Variants in CCDC18 observed in about 807,000 individuals in gnomAD.
CCDC18 encodes coiled-coil domain-containing protein 18.
Under a neutral mutation model 196.0 loss-of-function variants are expected in CCDC18, and 157 were observed. The observed-to-expected ratio is 0.80, with a 90% CI of 0.70 to 0.91. CCDC18 has a LOEUF of 0.91. Among genes scored for constraint, CCDC18 ranks in the 40% least tolerant of loss-of-function variants. CCDC18 has a pLI of 0.00. For missense variants in CCDC18, 1,465 were observed against 1,611.6 expected (o/e 0.91, Z 1.56); for synonymous variants, 482 against 529.2 (o/e 0.91, Z 1.22).
Position 93,183,557 on chromosome 1 carries a change from T to G in CCDC18, c.134+62T>G, listed in dbSNP as rs1419265495. On this transcript the variant is annotated intron_variant, in intron 2 of 28. Coordinates refer to ENST00000690025, the MANE Select transcript of CCDC18 (RefSeq NM_001378204.1). ...CTTAAATACATCAATGTAAAATGTG[T>G]GGATTTCATTATGATGTATTGTTTC... 16 of 1,178,914 alleles carry G rather than the reference T, an allele frequency of 1.4e-5. No homozygotes were observed. The South Asian group carries it at 1.6e-4, about 12-fold the overall frequency. 73.0% of individuals were successfully genotyped at this position (1,178,914 alleles called of 1,614,324 possible).
At chr1:93,225,389 T>G (rs965871810) in intron 16 of CCDC18, among the ~76,000 whole-genome samples, 1 of 152,234 alleles carries the variant, frequency 6.6e-6, no homozygotes, top group Non-Finnish European at 1.5e-5. Flanking sequence ...GCTGCCTTTC[T>G]GAAAATATTT....
At chr1:93,241,037 A>C (rs937863673) in intron 21 of CCDC18, among the ~76,000 whole-genome samples, 1 of 152,032 alleles carries the variant, frequency 6.6e-6, no homozygotes, top group Admixed American at 6.6e-5. Context: ...AGCTCACTGC[A>C]GCCTCCACCT....
Position 93,227,971 on chromosome 1 carries a change from A to AAATATATAT in CCDC18, c.2292+1523_2292+1524insATATATATA, listed in dbSNP as rs57726461. Among the ~76,000 whole-genome samples, 20 of 125,326 alleles carry AAATATATAT rather than the reference A, an allele frequency of 1.6e-4. No individual in the cohort carries two copies. The East Asian group carries it at 2.0e-3, about 13-fold the overall frequency. The allele number at this position is 125,326 out of a possible 152,430, so 82.2% of individuals were successfully genotyped here. A position where few individuals can be genotyped will look rare whatever the true frequency, so the allele number is the denominator to read the frequency against. On this transcript the variant is annotated intron_variant, in intron 17 of 28. Coordinates refer to ENST00000690025, the MANE Select transcript of CCDC18 (RefSeq NM_001378204.1). Reference sequence around the variant, plus strand: ...AGACCCTATCTCAAAAAAAAAAAAAAATATATATATATATATATTTATTTA... The same window carrying AAATATATAT: ...AGACCCTATCTCAAAAAAAAAAAAAAAATATATATATATATATATATATATATTTATTTA...
chr1:93,223,357 T>G (rs1657761645), intron 16 of CCDC18, among the ~76,000 whole-genome samples: 1 of 152,232 alleles, frequency 6.6e-6, no homozygotes, highest in African/African-American at 2.4e-5. Context: ...CAAATTCCTA[T>G]GATTTAAGCT....
chr1:93,208,921 C>T (rs1218662498), intron 9 of CCDC18, among the ~76,000 whole-genome samples: 2 of 151,976 alleles, frequency 1.3e-5, no homozygotes, highest in African/African-American at 4.8e-5. Flanking sequence ...GCCTTGGCCT[C>T]CCAAACTGCT....
rs1657461537 is a variant in CCDC18 at position 93,221,739 on chromosome 1, A to G, written c.2093A>G (p.Lys698Arg). The change falls in exon 15 of 29, where the codon AAA (lysine) becomes AGA (arginine). Residue 698 changes from lysine to arginine, a missense_variant. By Grantham distance (26) the Lys-to-Arg change is conservative (BLOSUM62 2). Transcript: ENST00000690025. Reference sequence around the variant, plus strand: ...CTAGATAGACTCTTGACGGAAAGCAAAGGGGTAAAATCATCCTTATAAAAG... The same window carrying G: ...CTAGATAGACTCTTGACGGAAAGCAGAGGGGTAAAATCATCCTTATAAAAG... ...ESLDRLLTESKGEMKKENMKK... is the reference protein window; with the variant it reads ...ESLDRLLTESRGEMKKENMKK... 6.3e-7 allele frequency: 1 copy of G among 1,597,262 alleles called. No homozygotes were observed. Among genetic ancestry groups the G allele is most frequent in the Admixed American group, 1.8e-5 (1 of 54,790 alleles).
chr1:93,203,932 T>G (rs1318380259), intron 7 of CCDC18, among the ~76,000 whole-genome samples: 3 of 152,092 alleles, frequency 2.0e-5, no homozygotes, highest in Non-Finnish European at 4.4e-5. Context: ...GAGCAACTTA[T>G]TAAAGTAGAA....
intron 6 of CCDC18, among the ~76,000 whole-genome samples, chr1:93,197,901 A>G (rs61799471): frequency 0.53 from 79,918 of 151,384 alleles, 24,261 homozygotes; most frequent in South Asian, 0.69. Context: ...ACAGGCGCCC[A>G]CCACCATGCC....
At chr1:93,246,296 C>A in intron 22 of CCDC18, 92 bp downstream of exon 22, 1 of 715,650 alleles carries the variant, frequency 1.4e-6, no homozygotes, top group Non-Finnish European at 2.3e-6. Flanking sequence ...GTAAAATGGG[C>A]ATTTTTATAG....
At chr1:93,265,316 G>T (rs1319821480) in intron 27 of CCDC18, among the ~76,000 whole-genome samples, 2 of 152,130 alleles carry the variant, frequency 1.3e-5, no homozygotes, top group African/African-American at 4.8e-5. Flanking sequence ...ACAATTTTTT[G>T]AGAGCCATGA....
rs1047859790 is a variant in CCDC18, at chr1:93,278,559, T to C, written c.*82T>C. ...CTTATTATATGTAGCTCATACTTCATAGAAGCTGTTATTTTGCTTTTGAAT... is the reference window on the plus strand; with the variant it reads ...CTTATTATATGTAGCTCATACTTCACAGAAGCTGTTATTTTGCTTTTGAAT... On this transcript the variant is annotated 3_prime_UTR_variant, in exon 29 of 29. Coordinates refer to ENST00000690025, the MANE Select transcript of CCDC18 (RefSeq NM_001378204.1). The C allele has an allele frequency of 2.5e-5, 16 of 632,354 alleles. No homozygotes were observed. In the African/African-American group the frequency reaches 2.8e-4, roughly 11 times the overall value. The allele number at this position is 632,354 out of a possible 1,614,324, so 39.2% of individuals were successfully genotyped here. A position where few individuals can be genotyped will look rare whatever the true frequency, so the allele number is the denominator to read the frequency against.
Position 93,234,402 on chromosome 1 carries a change from C to T in CCDC18, c.2460+1809C>T, listed in dbSNP as rs1032389519. Reference sequence around the variant, plus strand: ...GTCTTGATCTCTTGATCTTGTGATTCGCCCACCTCAGCCTCCCAAAGTGCT... The same window carrying T: ...GTCTTGATCTCTTGATCTTGTGATTTGCCCACCTCAGCCTCCCAAAGTGCT... On this transcript the variant is annotated intron_variant, in intron 18 of 28. Transcript: ENST00000690025. Among the ~76,000 whole-genome samples, 67 of 152,114 alleles carry T rather than the reference C, an allele frequency of 4.4e-4. 1 individual carries two copies. Among genetic ancestry groups the T allele is most frequent in the Admixed American group, 1.2e-3 (18 of 15,270 alleles).
At chr1:93,183,595 G>T in intron 2 of CCDC18, 100 bp downstream of exon 2, 3 of 805,424 alleles carry the variant, frequency 3.7e-6, no homozygotes, top group South Asian at 3.4e-5. Context: ...ACCTGCCTCT[G>T]GAATAAGAAA....
At position 93,214,892 on chromosome 1, in the gene CCDC18, A is replaced by G. The variant is rs1207337058; in HGVS notation, c.1645A>G (p.Arg549Gly). Reference sequence around the variant, plus strand: ...TGATTTGAAGGTTAACATGGCTCACAGAACTAGTCAGTTTCAGCTGATTCA... The same window carrying G: ...TGATTTGAAGGTTAACATGGCTCACGGAACTAGTCAGTTTCAGCTGATTCA... ...NSDLKVNMAH[R>G]TSQFQLIQEE... is the part of the protein sequence containing the mutation. The change falls in exon 12 of 29, where the codon AGA (arginine) becomes GGA (glycine). Residue 549 changes from arginine (R) to glycine (G), a missense_variant. Physicochemically the swap from Arg to Gly is moderately radical, Grantham distance 125 (BLOSUM62 -2). Transcript: ENST00000690025. 6.2e-7 allele frequency: 1 copy of G among 1,613,266 alleles called. No homozygotes were observed. The highest frequency in any genetic ancestry group is 2.2e-5 in the East Asian group (1 of 44,800).
intron 28 of CCDC18, chr1:93,271,666 C>T (rs1033921750): frequency 1.4e-5 from 6 of 428,836 alleles, no homozygotes; most frequent in African/African-American, 1.3e-4. Flanking sequence ...GACCCCATCT[C>T]AAAAAAAATT....
intron 14 of CCDC18, among the ~76,000 whole-genome samples, chr1:93,220,962 G>A (rs879101992): frequency 3.3e-5 from 5 of 152,128 alleles, no homozygotes; most frequent in East Asian, 1.9e-4. Context: ...AAACGATCTC[G>A]TTCCTTTTTA....
At chr1:93,272,958 A>AAG (rs35797862) in intron 28 of CCDC18, among the ~76,000 whole-genome samples, 76,709 of 151,914 alleles carry the variant, frequency 0.5, 22,986 homozygotes, top group African/African-American at 0.85. Context: ...TCTTGGATAA[A>AAG]AAGGGGCAGT....
intron 14 of CCDC18, among the ~76,000 whole-genome samples, chr1:93,220,908 G>T (rs1296190608): frequency 6.6e-6 from 1 of 152,126 alleles, no homozygotes; most frequent in East Asian, 1.9e-4. Context: ...GTGTTAGTTT[G>T]CTGAGGATAA....
chr1:93,185,491 C>A (rs1474351027), intron 3 of CCDC18, among the ~76,000 whole-genome samples: 2 of 151,382 alleles, frequency 1.3e-5, no homozygotes, highest in African/African-American at 4.9e-5. Context: ...TTTATTCATA[C>A]AATGGAAACT....
Sources: allele counts gnomAD v4.1 joint callset (sites outside exome capture counted in the v4.1 genomes callset), GRCh38; gene constraint gnomAD v4.1.1; transcripts MANE v1.5; gene names NCBI Gene and HGNC (gene_info 2026-07-23, HGNC 2026-07-21).